Variants in TTC3 observed in about 807,000 individuals in gnomAD.
TTC3 encodes tetratricopeptide repeat domain 3.
Under a neutral mutation model 249.6 loss-of-function variants are expected in TTC3, and 180 were observed. The observed-to-expected ratio is 0.72, with a 90% CI of 0.64 to 0.82. The LOEUF (loss-of-function observed/expected upper bound fraction) is 0.82. Among genes scored for constraint, TTC3 ranks in the 40% least tolerant of loss-of-function variants. The probability of loss-of-function intolerance (pLI) is 0.00; values close to 1 mark genes in which losing one functional copy is unlikely to be tolerated. For missense variants in TTC3, 2,061 were observed against 2,398.4 expected, an observed-to-expected ratio of 0.86 and a Z score of 2.94; for synonymous variants, 717 against 805.0, an observed-to-expected ratio of 0.89 and a Z score of 1.85.
intron 11 of TTC3, among the ~76,000 whole-genome samples, chr21:37,109,602 G>A (rs1356459278): frequency 2.6e-5 from 4 of 152,256 alleles, no homozygotes; most frequent in Non-Finnish European, 5.9e-5. Flanking sequence ...GCTCAAGGAG[G>A]CCTGCCTGCC....
At chr21:37,156,603 TA>T (rs2080113286) in intron 27 of TTC3, 51 bp from the exon 28 acceptor site, 1 of 1,557,782 alleles carries the variant, frequency 6.4e-7, no homozygotes, top group East Asian at 2.3e-5. Flanking sequence ...AATGTGATTT[TA>T]CAGTAAATAA....
chr21:37,171,390 A>C (rs1478277351), intron 34 of TTC3, among the ~76,000 whole-genome samples: 1 of 152,196 alleles, frequency 6.6e-6, no homozygotes, highest in African/African-American at 2.4e-5. Context: ...TTCTCCTGGG[A>C]CTTTGAGAAG....
At chr21:37,176,636 T>C (rs548613164) in intron 35 of TTC3, among the ~76,000 whole-genome samples, 1 of 152,358 alleles carries the variant, frequency 6.6e-6, no homozygotes, top group East Asian at 1.9e-4. Context: ...CTATCATTTA[T>C]GAAGCTCCTA....
At chr21:37,164,361 C>G in intron 32 of TTC3, 146 bp downstream of exon 32, 2 of 733,968 alleles carry the variant, frequency 2.7e-6, no homozygotes, top group Non-Finnish European at 4.1e-6. Context: ...TTTTTTGAGA[C>G]AGAGTCTTGC....
chr21:37,133,326 T>C (rs2147926676), intron 17 of TTC3, among the ~76,000 whole-genome samples: 1 of 152,346 alleles, frequency 6.6e-6, no homozygotes, highest in African/African-American at 2.4e-5. Flanking sequence ...AATAGAATAC[T>C]CATTTCAAAA....
At chr21:37,159,595 A>G (rs1418046178) in intron 28 of TTC3, 104 bp from the exon 29 acceptor site, 7 of 1,285,206 alleles carry the variant, frequency 5.4e-6, no homozygotes, top group Non-Finnish European at 6.5e-6. Context: ...GGAATAGAAC[A>G]TGGCCTATGC....
chr21:37,124,112 C>CTTTTTTTTT (rs60916518), intron 13 of TTC3, among the ~76,000 whole-genome samples: 1,227 of 61,254 alleles, frequency 0.02, 252 homozygotes, highest in Middle Eastern at 0.11. Flanking sequence ...TTGAACTGTT[C>CTTTTTTTTT]TTTTTTTTTT....
chr21:37,149,871 A>G (rs2079295614), intron 23 of TTC3, among the ~76,000 whole-genome samples: 1 of 152,206 alleles, frequency 6.6e-6, no homozygotes, highest in Admixed American at 6.5e-5. Context: ...AACAAGTCAC[A>G]TGGTCAGACC....
intron 1 of TTC3, 172 bp from the exon 2 acceptor site, chr21:37,087,075 A>G: frequency 3.0e-6 from 2 of 659,988 alleles, no homozygotes; most frequent in South Asian, 4.2e-5. Context: ...AGAGAGAGGA[A>G]AAGTCAGCAG....
exon 15 of TTC3, chr21:37,126,084 C>A: frequency 6.3e-7 from 1 of 1,597,538 alleles, no homozygotes. Flanking sequence ...TGGCAGGTGG[C>A]GGATGAGGCG....
chr21:37,122,398 G>C (rs538738555), intron 12 of TTC3, among the ~76,000 whole-genome samples: 2 of 142,686 alleles, frequency 1.4e-5, no homozygotes, highest in Non-Finnish European at 3.0e-5. Flanking sequence ...ATTCTGCAGC[G>C]TGCTGAATAT....
chr21:37,169,707 C>G (rs1783039), intron 34 of TTC3, among the ~76,000 whole-genome samples: 151,300 of 151,310 alleles, frequency 1, 75,645 homozygotes, highest in Middle Eastern at 1. Flanking sequence ...AATTAGCTGG[C>G]CGTGGTGGTG....
At chr21:37,177,605 C>A (rs1304984901) in intron 35 of TTC3, among the ~76,000 whole-genome samples, 1 of 152,196 alleles carries the variant, frequency 6.6e-6, no homozygotes, top group African/African-American at 2.4e-5. Context: ...CATTCGATTT[C>A]TCACTTCCAA....
At chr21:37,150,095 A>G (rs1007171339) in exon 24 of TTC3, 3 of 1,608,374 alleles carry the variant, frequency 1.9e-6, no homozygotes, top group Admixed American at 1.7e-5. Flanking sequence ...TACAAGGAAT[A>G]TGTCTTACCC....
chr21:37,162,277 C>T (rs1224657438), intron 31 of TTC3, among the ~76,000 whole-genome samples: 2 of 152,194 alleles, frequency 1.3e-5, no homozygotes, highest in South Asian at 2.1e-4. Context: ...GTTAAAGTCA[C>T]GACACTGGTG....
intron 16 of TTC3, 105 bp downstream of exon 16, chr21:37,129,168 T>G: frequency 1.8e-6 from 1 of 561,450 alleles, no homozygotes; most frequent in Non-Finnish European, 2.9e-6. Context: ...ATGTATGTAT[T>G]ATGATGACTA....
chr21:37,140,326 G>A (rs1401612389), intron 19 of TTC3, among the ~76,000 whole-genome samples: 1 of 152,146 alleles, frequency 6.6e-6, no homozygotes, highest in African/African-American at 2.4e-5. Context: ...ATGCTTATAG[G>A]TTGATTGTCT....
intron 1 of TTC3, among the ~76,000 whole-genome samples, chr21:37,076,574 C>T (rs2070888448): frequency 1.3e-5 from 2 of 151,996 alleles, no homozygotes; most frequent in African/African-American, 4.8e-5. Flanking sequence ...GCTAGTGCTA[C>T]TTTCTTACCT....
intron 41 of TTC3, among the ~76,000 whole-genome samples, chr21:37,192,539 T>C (rs894264012): frequency 8.0e-6 from 1 of 125,162 alleles, no homozygotes; most frequent in African/African-American, 3.2e-5. Context: ...TATGTATTCC[T>C]GACTTTGAAC....
Sources: gnomAD v4.1 joint callset for allele counts (sites outside exome capture counted in the v4.1 genomes callset) on GRCh38, gnomAD v4.1.1 for gene constraint, MANE v1.5 for transcripts, NCBI Gene and HGNC (gene_info 2026-07-23, HGNC 2026-07-21) for gene names.